HMSD: variants seen among roughly 807,000 people sequenced by gnomAD.
HMSD encodes serpin-like protein HMSD.
A neutral mutation model predicts 10.0 loss-of-function variants in HMSD; 13 were observed. The ratio of observed to expected loss-of-function variants is 1.31; its 90% CI spans 0.85 to 2.08. The LOEUF (loss-of-function observed/expected upper bound fraction) is 2.08, where lower values mean the gene tolerates loss of function less well. Among genes scored for constraint, HMSD ranks in the 30% most tolerant of loss-of-function variants. HMSD has a pLI of 0.00. For missense variants in HMSD, 169 were observed against 166.3 expected (o/e 1.02, Z -0.09); for synonymous variants, 51 against 54.2 (o/e 0.94, Z 0.26).
intron 2 of HMSD, 76 bp from the exon 3 acceptor site, chr18:63,954,332 G>A (rs1432775289): frequency 2.0e-6 from 2 of 977,922 alleles, no homozygotes; most frequent in Non-Finnish European, 3.1e-6. Flanking sequence ...TCATATTGCT[G>A]AGTTTACTGT....
chr18:63,959,384 T>C (rs2050374637), intron 3 of HMSD, among the ~76,000 whole-genome samples: 1 of 152,238 alleles, frequency 6.6e-6, no homozygotes, highest in Non-Finnish European at 1.5e-5. Context: ...CTGTTTTTAA[T>C]ATCACTTGAG....
intron 2 of HMSD, 25 bp from the exon 3 acceptor site, chr18:63,954,381 GTA>G: frequency 6.4e-7 from 1 of 1,558,362 alleles, no homozygotes; most frequent in Non-Finnish European, 8.8e-7. Flanking sequence ...CTGAGAATGT[GTA>G]TGTTTATTAT....
downstream of HMSD, among the ~76,000 whole-genome samples, chr18:63,962,647 C>T (rs2050391427): frequency 6.6e-6 from 1 of 152,142 alleles, no homozygotes; most frequent in Non-Finnish European, 1.5e-5. Context: ...TCCTATGCTT[C>T]AATAAGTGGG....
downstream of HMSD, among the ~76,000 whole-genome samples, chr18:63,965,438 C>T (rs1325481148): frequency 6.6e-6 from 1 of 152,224 alleles, no homozygotes; most frequent in East Asian, 1.9e-4. Context: ...TTCTTTGTCA[C>T]TTAATACTTC....
chr18:63,959,410 C>T (rs1442306128), intron 3 of HMSD, among the ~76,000 whole-genome samples: 1 of 152,062 alleles, frequency 6.6e-6, no homozygotes, highest in Non-Finnish European at 1.5e-5. Context: ...TTCTGTGATT[C>T]GTGTGTTATT....
At position 63,954,534 on chromosome 18, in the gene HMSD, GAA is replaced by G; in HGVS notation, c.202_203del (p.Lys68ValfsTer3). Reference sequence around the variant, plus strand: ...TAGAACTGCCAACGGGCTCTTTGGAGAAAAGTCTTATGATTTCCTCACAGTAA... The same window carrying G: ...TAGAACTGCCAACGGGCTCTTTGGAGAAGTCTTATGATTTCCTCACAGTAA... ...VLRTANGLFGEKSYDFLTGFT... is the reference protein window; with the variant it reads ...VLRTANGLFGXKSYDFLTGFT... On this transcript the variant is annotated frameshift_variant, in exon 3 of 4. Transcript: ENST00000408945. LOFTEE classifies it high-confidence loss of function. The G allele has an allele frequency of 6.2e-7, 1 of 1,611,910 alleles. No homozygotes were observed.
At chr18:63,952,558 A>AGAAATTTTTAATAT (rs2050336713) in intron 1 of HMSD, among the ~76,000 whole-genome samples, 1 of 152,138 alleles carries the variant, frequency 6.6e-6, no homozygotes, top group South Asian at 2.1e-4. Context: ...TCATGGCATG[A>AGAAATTTTTAATAT]CTGTAATTTT....
downstream of HMSD, among the ~76,000 whole-genome samples, chr18:63,964,628 C>T (rs371017141): frequency 3.9e-5 from 6 of 152,204 alleles, no homozygotes; most frequent in African/African-American, 9.6e-5. Flanking sequence ...CAAGATCAGG[C>T]TGCCAGGAGA....
chr18:63,962,205 A>T (rs1424581078), downstream of HMSD, among the ~76,000 whole-genome samples: 1 of 152,248 alleles, frequency 6.6e-6, no homozygotes, highest in Admixed American at 6.5e-5. Context: ...GAAGTTAAGT[A>T]GCTTGAACAA....
At position 63,961,331 on chromosome 18, in the gene HMSD, A is replaced by T. The variant is rs2050385600; in HGVS notation, c.*976A>T. The stretch of plus-strand genomic sequence containing the variant: ...ACTTTAGCCATGTAAATCATAAAAC[A>T]TAGAGATAACAATATGCATATTGTT... On this transcript the variant is annotated 3_prime_UTR_variant, in exon 4 of 4. Coordinates refer to ENST00000408945, the MANE Select transcript of HMSD (RefSeq NM_001123366.2). The T allele has an allele frequency of 1.3e-5, 2 of 152,352 alleles. No homozygotes were observed. Among genetic ancestry groups the T allele is most frequent in the Non-Finnish European group, 1.5e-5 (1 of 68,026 alleles). 9.4% of individuals were successfully genotyped at this position (152,352 alleles called of 1,614,324 possible).
chr18:63,958,638 T>C (rs1374190834), intron 3 of HMSD, among the ~76,000 whole-genome samples: 2 of 152,174 alleles, frequency 1.3e-5, no homozygotes, highest in Non-Finnish European at 2.9e-5. Flanking sequence ...TTGATCATAG[T>C]TTGAAACACC....
downstream of HMSD, among the ~76,000 whole-genome samples, chr18:63,966,229 C>G (rs2050409098): frequency 6.6e-6 from 1 of 152,208 alleles, no homozygotes; most frequent in Non-Finnish European, 1.5e-5. Flanking sequence ...CAGACATCCA[C>G]TTTATAACTC....
At chr18:63,965,302 T>C (rs929813234), downstream of HMSD, among the ~76,000 whole-genome samples, 1 of 152,242 alleles carries the variant, frequency 6.6e-6, no homozygotes, top group African/African-American at 2.4e-5. Context: ...GGTAACTCTA[T>C]TGATAAGCTA....
At chr18:63,955,128 G>A (rs1024176847) in intron 3 of HMSD, among the ~76,000 whole-genome samples, 5 of 152,154 alleles carry the variant, frequency 3.3e-5, no homozygotes, top group Non-Finnish European at 5.9e-5. Context: ...CCTTTTTAAC[G>A]TTAGAGCTTT....
At position 63,959,428 on chromosome 18, in the gene HMSD, C is replaced by T. The variant is rs111534414; in HGVS notation, c.223-730C>T. Among the ~76,000 whole-genome samples the T allele has an allele frequency of 5.9e-5, 9 of 152,146 alleles. No individual in the cohort carries two copies. The South Asian group carries it at 1.0e-3, about 18-fold the overall frequency. ...TGTGATTCGTGTGTTATTGAATCTC[C>T]GAGTACTTTTGGAATTTTCAGCCAT... is the stretch of plus-strand genomic sequence containing the variant. On this transcript the variant is annotated intron_variant, in intron 3 of 3. Coordinates refer to ENST00000408945, the MANE Select transcript of HMSD (RefSeq NM_001123366.2).
chr18:63,956,635 T>A (rs997034342), intron 3 of HMSD, among the ~76,000 whole-genome samples: 4 of 152,212 alleles, frequency 2.6e-5, no homozygotes. Flanking sequence ...CTGGTGGGAA[T>A]GTAAATTAGT....
intron 3 of HMSD, among the ~76,000 whole-genome samples, chr18:63,969,049 A>T (rs1393054215): frequency 6.6e-6 from 1 of 152,214 alleles, no homozygotes; most frequent in Admixed American, 6.5e-5. Flanking sequence ...AGAATTCCCA[A>T]ACTGGAGAGC....
chr18:63,958,511 C>T (rs2050370606), intron 3 of HMSD, among the ~76,000 whole-genome samples: 1 of 152,090 alleles, frequency 6.6e-6, no homozygotes, highest in African/African-American at 2.4e-5. Flanking sequence ...GTTGTTTCAG[C>T]TCATTTAATT....
At chr18:63,957,476 G>A (rs1200804633) in intron 3 of HMSD, among the ~76,000 whole-genome samples, 1 of 151,990 alleles carries the variant, frequency 6.6e-6, no homozygotes, top group Non-Finnish European at 1.5e-5. Flanking sequence ...TTTTGTAGAG[G>A]ATATCTCTCT....
Sources: allele counts gnomAD v4.1 joint callset (sites outside exome capture counted in the v4.1 genomes callset), GRCh38; gene constraint gnomAD v4.1.1; transcripts MANE v1.5; gene names NCBI Gene and HGNC (gene_info 2026-07-23, HGNC 2026-07-21).